The following PTGER3 variants were observed in gnomAD, a reference collection of about 807,000 sequenced individuals.
PTGER3 encodes the protein prostaglandin E2 receptor EP3 subtype.
PTGER3 carries 22 observed loss-of-function variants against 34.7 expected under a neutral mutation model. The observed-to-expected ratio is 0.63, with a 90% CI of 0.45 to 0.91. The LOEUF is 0.91. Among genes scored for constraint, PTGER3 ranks in the 40% least tolerant of loss-of-function variants. The pLI, the probability that PTGER3 is intolerant of heterozygous loss-of-function variation, is 0.00. For synonymous variants in PTGER3, 241 were observed against 230.1 expected (o/e 1.05, Z -0.43); for missense variants, 468 against 519.4 (o/e 0.90, Z 0.96).
At chr1:70,996,987 C>G (rs1373097801) in intron 2 of PTGER3, among the ~76,000 whole-genome samples, 1 of 152,106 alleles carries the variant, frequency 6.6e-6, no homozygotes, top group East Asian at 1.9e-4. Flanking sequence ...AAGTATATTT[C>G]TTGGCTGGGC....
Position 71,046,842 on chromosome 1 carries a change from A to T in PTGER3, c.736T>A (p.Phe246Ile). ...FLGLLALTVTFSCNLATIKAL... is the reference protein window; with the variant it reads ...FLGLLALTVTISCNLATIKAL... ...TTAATGGTGGCCAGGTTGCAGGAAA[A>T]GGTGACTGTCAGCGCCAAGAGCCCC... The change falls in exon 1 of 4, where the codon TTT (phenylalanine) becomes ATT (isoleucine). Residue 246 changes from phenylalanine to isoleucine, a missense_variant. By Grantham distance (21) the Phe-to-Ile change is conservative. Transcript: ENST00000306666. 1 of 1,614,078 alleles carries T rather than the reference A, an allele frequency of 6.2e-7. No homozygotes were observed. Among genetic ancestry groups the T allele is most frequent in the Non-Finnish European group, 8.5e-7 (1 of 1,180,016 alleles).
intron 1 of PTGER3, among the ~76,000 whole-genome samples, chr1:71,037,089 T>C (rs577296596): frequency 2.0e-5 from 3 of 152,164 alleles, no homozygotes; most frequent in Non-Finnish European, 4.4e-5. Context: ...CCCAGTACAG[T>C]TGGGGCCAAG....
chr1:70,920,889 ATGT>A (rs905442761), intron 4 of PTGER3, among the ~76,000 whole-genome samples: 2 of 101,548 alleles, frequency 2.0e-5, no homozygotes, highest in Non-Finnish European at 4.2e-5. Context: ...ATGTTGTTGT[ATGT>A]TGTTGTCTCT....
At chr1:70,992,921 C>T (rs1377797633) in intron 2 of PTGER3, among the ~76,000 whole-genome samples, 2 of 152,126 alleles carry the variant, frequency 1.3e-5, no homozygotes, top group African/African-American at 2.4e-5. Flanking sequence ...ATAACTAAGA[C>T]CCAAAACATT....
intron 4 of PTGER3, among the ~76,000 whole-genome samples, chr1:70,861,145 G>A (rs1484645943): frequency 5.3e-5 from 8 of 152,122 alleles, no homozygotes. Flanking sequence ...ACTGCAAAGG[G>A]ATAACGTATT....
chr1:70,881,136 G>A (rs1020422785), intron 4 of PTGER3, among the ~76,000 whole-genome samples: 4 of 152,204 alleles, frequency 2.6e-5, no homozygotes, highest in Non-Finnish European at 4.4e-5. Flanking sequence ...ATTTTTGTCT[G>A]ACGGAGTTAT....
intron 2 of PTGER3, among the ~76,000 whole-genome samples, chr1:70,988,426 A>T (rs773677839): frequency 2.6e-5 from 4 of 152,186 alleles, no homozygotes; most frequent in Non-Finnish European, 5.9e-5. Flanking sequence ...ACTCTCTCCC[A>T]GTTAGCTGTG....
chr1:70,933,194 A>G (rs903484643), intron 4 of PTGER3, among the ~76,000 whole-genome samples: 6 of 152,142 alleles, frequency 3.9e-5, no homozygotes, highest in African/African-American at 9.7e-5. Context: ...AGAGTGAATG[A>G]TGTTACTATT....
intron 4 of PTGER3, among the ~76,000 whole-genome samples, chr1:70,899,869 G>A (rs1351211837): frequency 1.3e-5 from 2 of 152,098 alleles, no homozygotes; most frequent in Non-Finnish European, 2.9e-5. Flanking sequence ...GTCATAGGGT[G>A]TAATTGTACT....
chr1:70,957,897 A>G (rs1170881416), intron 2 of PTGER3, among the ~76,000 whole-genome samples: 1 of 152,060 alleles, frequency 6.6e-6, no homozygotes, highest in Admixed American at 6.5e-5. Flanking sequence ...TATGAAATCA[A>G]TGTTTTTAGA....
intron 4 of PTGER3, chr1:70,886,342 A>G: frequency 2.2e-6 from 1 of 447,608 alleles, no homozygotes; most frequent in Non-Finnish European, 4.5e-6. Flanking sequence ...TGAGAAACAA[A>G]TTTCTGTTGT....
chr1:70,978,695 A>G (rs1190192179), intron 2 of PTGER3, among the ~76,000 whole-genome samples: 1 of 152,162 alleles, frequency 6.6e-6, no homozygotes, highest in Non-Finnish European at 1.5e-5. Flanking sequence ...GGATGGTGAT[A>G]TTCACCATCA....
At chr1:70,895,751 A>C (rs1347285130) in intron 4 of PTGER3, among the ~76,000 whole-genome samples, 1 of 152,222 alleles carries the variant, frequency 6.6e-6, no homozygotes, top group Non-Finnish European at 1.5e-5. Context: ...TGTGATGTTA[A>C]GGTAACAGCA....
At chr1:70,992,597 C>G (rs1333549418) in intron 2 of PTGER3, among the ~76,000 whole-genome samples, 1 of 152,104 alleles carries the variant, frequency 6.6e-6, no homozygotes, top group Non-Finnish European at 1.5e-5. Context: ...ATTGTGTAGA[C>G]ACACCTAGCA....
At chr1:70,938,588 T>C (rs932297238) in intron 4 of PTGER3, among the ~76,000 whole-genome samples, 1 of 152,094 alleles carries the variant, frequency 6.6e-6, no homozygotes, top group African/African-American at 2.4e-5. Flanking sequence ...GAAAAGGTGG[T>C]CTAATTGGAC....
downstream of PTGER3, among the ~76,000 whole-genome samples, chr1:70,967,664 C>T (rs567623014): frequency 2.6e-5 from 4 of 151,976 alleles, no homozygotes; most frequent in Non-Finnish European, 5.9e-5. Flanking sequence ...TTATACAGAT[C>T]CTTAAGATAC....
At chr1:71,014,602 C>A (rs2817856) in intron 1 of PTGER3, among the ~76,000 whole-genome samples, 2,435 of 152,070 alleles carry the variant, frequency 0.016, 77 homozygotes, top group African/African-American at 0.057. Context: ...GATTATTATC[C>A]TTATAAGAAG....
chr1:70,989,317 G>A (rs1655218637), intron 2 of PTGER3, among the ~76,000 whole-genome samples: 1 of 152,152 alleles, frequency 6.6e-6, no homozygotes, highest in African/African-American at 2.4e-5. Context: ...TAAAATAAAT[G>A]TATGTCAAAG....
At chr1:71,001,547 G>A (rs889758194) in intron 2 of PTGER3, among the ~76,000 whole-genome samples, 7 of 151,912 alleles carry the variant, frequency 4.6e-5, no homozygotes, top group African/African-American at 1.7e-4. Flanking sequence ...ATACTTTTGA[G>A]TCTTGCTATT....
Sources: gnomAD v4.1 joint callset for allele counts (sites outside exome capture counted in the v4.1 genomes callset) on GRCh38, gnomAD v4.1.1 for gene constraint, MANE v1.5 for transcripts, NCBI Gene and HGNC (gene_info 2026-07-23, HGNC 2026-07-21) for gene names.